The following LRP1B variants were observed in gnomAD, a reference collection of about 807,000 sequenced individuals.
LRP1B encodes the protein low-density lipoprotein receptor-related protein 1B.
A neutral mutation model predicts 556.6 loss-of-function variants in LRP1B; 217 were observed. That is an observed-to-expected ratio of 0.39 (90% confidence interval 0.35 to 0.44). The LOEUF is 0.44. Among genes scored for constraint, LRP1B ranks in the 20% least tolerant of loss-of-function variants. LRP1B has a pLI of 1.00. For synonymous variants in LRP1B, 2,047 were observed against 1,865.8 expected (o/e 1.10, Z -2.50); for missense variants, 5,053 against 5,620.8 (o/e 0.90, Z 3.23).
chr2:140,442,094 A>G (rs1002077819), intron 66 of LRP1B, among the ~76,000 whole-genome samples: 1 of 152,258 alleles, frequency 6.6e-6, no homozygotes, highest in Admixed American at 6.5e-5. Context: ...TGTATTAAAG[A>G]ATGACATACA....
At chr2:141,640,718 C>G (rs921734074) in intron 2 of LRP1B, among the ~76,000 whole-genome samples, 1 of 151,990 alleles carries the variant, frequency 6.6e-6, no homozygotes, top group East Asian at 1.9e-4. Context: ...TTCTTGAACC[C>G]GGGAGGTGGA....
intron 82 of LRP1B, among the ~76,000 whole-genome samples, chr2:140,319,689 G>C (rs1407912714): frequency 6.6e-6 from 1 of 152,118 alleles, no homozygotes; most frequent in Non-Finnish European, 1.5e-5. Flanking sequence ...TTAATACCTA[G>C]GTGATACTTT....
chr2:140,884,025 C>T lies in LRP1B; in HGVS notation c.3965-4G>A, dbSNP rs755315151. The T allele has an allele frequency of 3.1e-6, 5 of 1,611,962 alleles. No individual in the cohort carries two copies. The highest frequency in any genetic ancestry group is 4.2e-6 in the Non-Finnish European group (5 of 1,179,650). Reference sequence around the variant, plus strand: ...ACCACTTCAATGGCACTGACACCTACAAAAGAAGGAAAACCAACATGTGCA... The same window carrying T: ...ACCACTTCAATGGCACTGACACCTATAAAAGAAGGAAAACCAACATGTGCA... On this transcript the variant is annotated splice_region_variant and splice_polypyrimidine_tract_variant and intron_variant, in intron 24 of 90. Coordinates refer to ENST00000389484, the MANE Select transcript of LRP1B (RefSeq NM_018557.3).
At chr2:140,330,472 A>G (rs992214660) in intron 79 of LRP1B, among the ~76,000 whole-genome samples, 1 of 150,442 alleles carries the variant, frequency 6.6e-6, no homozygotes, top group East Asian at 1.9e-4. Context: ...AGCAATGGGG[A>G]AAGGAGTTTG....
intron 59 of LRP1B, among the ~76,000 whole-genome samples, chr2:140,477,110 A>G (rs1209034653): frequency 6.6e-6 from 1 of 152,072 alleles, no homozygotes; most frequent in African/African-American, 2.4e-5. Flanking sequence ...TGTTGCCTAT[A>G]CTAGGTATCA....
chr2:141,769,878 C>T (rs1694841769), intron 2 of LRP1B, among the ~76,000 whole-genome samples: 1 of 152,086 alleles, frequency 6.6e-6, no homozygotes, highest in South Asian at 2.1e-4. Context: ...TCATTCCTTT[C>T]ATGGCCCAGC....
At chr2:141,111,513 T>G (rs191203458) in intron 7 of LRP1B, among the ~76,000 whole-genome samples, 38 of 152,258 alleles carry the variant, frequency 2.5e-4, no homozygotes, top group Admixed American at 2.5e-3. Flanking sequence ...CCCTCCTGTG[T>G]TTTGTGCACT....
At chr2:141,448,715 C>T (rs758166990) in intron 3 of LRP1B, among the ~76,000 whole-genome samples, 1 of 152,158 alleles carries the variant, frequency 6.6e-6, no homozygotes, top group Non-Finnish European at 1.5e-5. Context: ...GCTCGCCCTC[C>T]ACGGGCTAAA....
chr2:141,293,722 A>T (rs1184240432), intron 3 of LRP1B, among the ~76,000 whole-genome samples: 1 of 152,024 alleles, frequency 6.6e-6, no homozygotes, highest in Non-Finnish European at 1.5e-5. Context: ...ATTTAAGTAA[A>T]AAGGGGGAAA....
At chr2:140,793,605 T>C (rs2104991548) in intron 32 of LRP1B, among the ~76,000 whole-genome samples, 1 of 152,124 alleles carries the variant, frequency 6.6e-6, no homozygotes, top group Admixed American at 6.5e-5. Flanking sequence ...TTGTCACAAA[T>C]GAATGATCTT....
intron 3 of LRP1B, among the ~76,000 whole-genome samples, chr2:141,264,790 T>A (rs1376143045): frequency 6.6e-6 from 1 of 152,146 alleles, no homozygotes; most frequent in Non-Finnish European, 1.5e-5. Context: ...ATTGTATATG[T>A]TTTTTGGGTT....
At chr2:140,790,092 T>G (rs1690059590) in intron 32 of LRP1B, among the ~76,000 whole-genome samples, 1 of 152,116 alleles carries the variant, frequency 6.6e-6, no homozygotes, top group African/African-American at 2.4e-5. Context: ...TTTCTCTGTC[T>G]GACATTTTTG....
rs538650754 is a variant in LRP1B, at chr2:140,241,643, CCAAT to C, written c.13325-2115_13325-2112del. On this transcript the variant is annotated intron_variant, in intron 87 of 90. Coordinates refer to ENST00000389484, the MANE Select transcript of LRP1B (RefSeq NM_018557.3). ...CTAGACTTCTGATATGTTTATGTAA[CCAAT>C]CAAAGTAACTACTATAAAACCTAGT... 3.3e-5 allele frequency among the ~76,000 whole-genome samples: 5 copies of C among 150,626 alleles called. No individual in the cohort carries two copies. In the Middle Eastern group the frequency reaches 0.01, roughly 307 times the overall value.
At chr2:141,120,799 G>A (rs1369492680) in intron 7 of LRP1B, among the ~76,000 whole-genome samples, 2 of 151,980 alleles carry the variant, frequency 1.3e-5, no homozygotes, top group African/African-American at 4.8e-5. Context: ...TATAGGCCAA[G>A]TTATTGTGAG....
chr2:140,904,311 A>T (rs1326088971), intron 22 of LRP1B, among the ~76,000 whole-genome samples: 3 of 152,162 alleles, frequency 2.0e-5, no homozygotes, highest in Admixed American at 2.0e-4. Context: ...TTAGGTACAT[A>T]GAAATAAGGC....
At chr2:141,883,513 A>T (rs1699020219) in intron 1 of LRP1B, among the ~76,000 whole-genome samples, 1 of 152,116 alleles carries the variant, frequency 6.6e-6, no homozygotes, top group African/African-American at 2.4e-5. Context: ...GAAGATGCTA[A>T]ATATTAAATG....
intron 7 of LRP1B, among the ~76,000 whole-genome samples, chr2:141,095,814 C>G (rs2104922997): frequency 1.3e-5 from 2 of 152,114 alleles, no homozygotes; most frequent in African/African-American, 4.8e-5. Flanking sequence ...AGGCAGGTGT[C>G]TGCGTATTGG....
chr2:140,351,106 A>G, intron 76 of LRP1B, 68 bp from the exon 77 acceptor site: 3 of 1,035,226 alleles, frequency 2.9e-6, no homozygotes, highest in Non-Finnish European at 4.2e-6. Context: ...CAATAATTGT[A>G]CTTTTAAATT....
chr2:141,818,595 G>A (rs1696641260), intron 1 of LRP1B, among the ~76,000 whole-genome samples: 1 of 127,718 alleles, frequency 7.8e-6, no homozygotes, highest in Non-Finnish European at 1.6e-5. Context: ...GTAGTGCAGT[G>A]GTGCGATCTT....
Sources: gnomAD v4.1 joint callset for allele counts (sites outside exome capture counted in the v4.1 genomes callset) on GRCh38, gnomAD v4.1.1 for gene constraint, MANE v1.5 for transcripts, NCBI Gene and HGNC (gene_info 2026-07-23, HGNC 2026-07-21) for gene names.